Variants in ARHGAP28 observed in about 807,000 individuals in gnomAD.
ARHGAP28 encodes rho GTPase-activating protein 28.
A neutral mutation model predicts 90.7 loss-of-function variants in ARHGAP28; 56 were observed. The ratio of observed to expected loss-of-function variants is 0.62; its 90% CI spans 0.50 to 0.77. The LOEUF (loss-of-function observed/expected upper bound fraction) is 0.77, where lower values mean the gene tolerates loss of function less well. Among genes scored for constraint, ARHGAP28 ranks in the 30% least tolerant of loss-of-function variants. The pLI is 0.00. For synonymous variants in ARHGAP28, 308 were observed against 323.3 expected (o/e 0.95, Z 0.51); for missense variants, 869 against 900.9 (o/e 0.96, Z 0.45).
At chr18:6,889,071 G>A (rs2057244610) in intron 12 of ARHGAP28, among the ~76,000 whole-genome samples, 1 of 152,138 alleles carries the variant, frequency 6.6e-6, no homozygotes, top group Admixed American at 6.5e-5. Context: ...GTAACGCCTG[G>A]CTCACAGCAA....
In ARHGAP28 at chr18:6,730,190, A is replaced by C. The variant is rs1356634430; in HGVS notation, c.122+247A>C. The C allele has an allele frequency of 8.4e-5, 25 of 298,104 alleles. No homozygotes were observed. In the East Asian group the frequency reaches 1.2e-3, roughly 14 times the overall value. 18.5% of individuals were successfully genotyped at this position (298,104 alleles called of 1,614,324 possible). A position where few individuals can be genotyped will look rare whatever the true frequency, so the allele number is the denominator to read the frequency against. ...AGAGATTAGCAAGCAGCAGGATTGCATTCTTGATACGATTTGAGGATAAGT... is the reference window on the plus strand; with the variant it reads ...AGAGATTAGCAAGCAGCAGGATTGCCTTCTTGATACGATTTGAGGATAAGT... On this transcript the variant is annotated intron_variant, in intron 1 of 17. Coordinates refer to ENST00000383472, the MANE Select transcript of ARHGAP28 (RefSeq NM_001366230.1).
At position 6,738,551 on chromosome 18, in the gene ARHGAP28, G is replaced by C. The variant is rs139259318; in HGVS notation, c.122+8608G>C. ...ATACAAAGGCCCATCAATTATTTTA[G>C]GTTTTTGAAGATCAGTAGAGAAATC... On this transcript the variant is annotated intron_variant, in intron 1 of 17. Transcript: ENST00000383472. Among the ~76,000 whole-genome samples, 94 of 152,148 alleles carry C rather than the reference G, an allele frequency of 6.2e-4. 3 individuals carry two copies. The East Asian group carries it at 0.018, about 29-fold the overall frequency.
At chr18:6,900,905 T>C (rs2057334903) in intron 16 of ARHGAP28, among the ~76,000 whole-genome samples, 1 of 140,340 alleles carries the variant, frequency 7.1e-6, no homozygotes, top group Non-Finnish European at 1.6e-5. Flanking sequence ...CTTTGAAATA[T>C]CCAGAGAGAA....
intron 6 of ARHGAP28, 109 bp from the exon 7 acceptor site, chr18:6,870,481 A>T: frequency 8.8e-7 from 1 of 1,142,104 alleles, no homozygotes; most frequent in Non-Finnish European, 1.3e-6. Context: ...TAAACACTGT[A>T]ACGTGCTTGT....
In ARHGAP28 at chr18:6,880,510, G is replaced by A. The variant is rs78303023; in HGVS notation, c.1291-1627G>A. Among the ~76,000 whole-genome samples, 468 of 152,192 alleles carry A rather than the reference G, an allele frequency of 3.1e-3. 1 individual carries two copies. The highest frequency in any genetic ancestry group is 0.01 in the Middle Eastern group (3 of 294). ...AGACAAATCTACCCTTGCCATTCCC[G>A]TGCTTAGAGATGTTCCAGGCTGCCT... On this transcript the variant is annotated intron_variant, in intron 10 of 17. Coordinates refer to ENST00000383472, the MANE Select transcript of ARHGAP28 (RefSeq NM_001366230.1).
chr18:6,754,259 A>G (rs936429019), intron 1 of ARHGAP28, among the ~76,000 whole-genome samples: 15 of 152,164 alleles, frequency 9.9e-5, no homozygotes, highest in African/African-American at 3.6e-4. Context: ...CCACAAATCC[A>G]ACAACTATTA....
chr18:6,909,143 G>A (rs1181526480), intron 17 of ARHGAP28, 119 bp downstream of exon 17: 1 of 621,926 alleles, frequency 1.6e-6, no homozygotes, highest in African/African-American at 1.9e-5. Context: ...AAAATCAGTA[G>A]GTTTCTGATA....
chr18:6,903,738 A>C (rs1435377032), intron 16 of ARHGAP28, among the ~76,000 whole-genome samples: 2 of 150,542 alleles, frequency 1.3e-5, no homozygotes, highest in Non-Finnish European at 3.0e-5. Context: ...GCTGAGGCAG[A>C]GAACTGCTTG....
At chr18:6,825,529 G>A (rs1354114260) in intron 2 of ARHGAP28, among the ~76,000 whole-genome samples, 1 of 152,084 alleles carries the variant, frequency 6.6e-6, no homozygotes, top group Non-Finnish European at 1.5e-5. Flanking sequence ...ACATGTGCAG[G>A]TTTCTTACAT....
rs1013093242 is a variant in ARHGAP28, at chr18:6,783,885, T to C, written c.123-40877T>C. ...TCTTTTCATGACCCTGGCCTACTGC[T>C]CCTGTTCCAGCTTTAAAGTTCTCTG... On this transcript the variant is annotated intron_variant, in intron 1 of 17. Transcript: ENST00000383472. 2.6e-5 allele frequency among the ~76,000 whole-genome samples: 4 copies of C among 152,274 alleles called. No individual in the cohort carries two copies. The East Asian group carries it at 7.7e-4, about 29-fold the overall frequency.
At chr18:6,780,385 A>G (rs1296682535) in intron 1 of ARHGAP28, among the ~76,000 whole-genome samples, 1 of 152,246 alleles carries the variant, frequency 6.6e-6, no homozygotes. Context: ...TAGGGTTTAC[A>G]TTGTGCTGGG....
chr18:6,820,532 G>A (rs950016139), intron 1 of ARHGAP28, among the ~76,000 whole-genome samples: 1 of 152,194 alleles, frequency 6.6e-6, no homozygotes, highest in Admixed American at 6.6e-5. Context: ...TTCCAAAATT[G>A]ATGAAAGACA....
chr18:6,733,942 G>A (rs1199334608), intron 1 of ARHGAP28, among the ~76,000 whole-genome samples: 1 of 152,198 alleles, frequency 6.6e-6, no homozygotes, highest in African/African-American at 2.4e-5. Flanking sequence ...AACAGTGGCA[G>A]GGAGTCCTAG....
chr18:6,889,819 A>G, intron 12 of ARHGAP28, 69 bp from the exon 13 acceptor site: 1 of 1,412,674 alleles, frequency 7.1e-7, no homozygotes. Context: ...TGGGAATAGA[A>G]TGAATGATAG....
chr18:6,826,755 T>C (rs2056667422), intron 2 of ARHGAP28, among the ~76,000 whole-genome samples: 1 of 145,938 alleles, frequency 6.9e-6, no homozygotes, highest in Non-Finnish European at 1.5e-5. Flanking sequence ...GGCCGGGTCA[T>C]AGGACAATAG....
intron 1 of ARHGAP28, among the ~76,000 whole-genome samples, chr18:6,807,895 G>T (rs2056530368): frequency 6.6e-6 from 1 of 152,130 alleles, no homozygotes; most frequent in Non-Finnish European, 1.5e-5. Flanking sequence ...CCCTGCTTCT[G>T]CCCCATGGCC....
chr18:6,774,238 A>G (rs2056265930), intron 1 of ARHGAP28: 1 of 152,196 alleles, frequency 6.6e-6, no homozygotes, highest in Non-Finnish European at 1.5e-5. Context: ...CTAAAAGGTA[A>G]GGTTCTAAGC....
intron 10 of ARHGAP28, 110 bp from the exon 11 acceptor site, chr18:6,882,027 C>T (rs1567981336): frequency 1.0e-6 from 1 of 992,472 alleles, no homozygotes; most frequent in African/African-American, 1.6e-5. Flanking sequence ...TAGACATTAC[C>T]TTACCAGTCT....
rs554929912 is a variant in ARHGAP28 at position 6,783,448 on chromosome 18, T to C, written c.123-41314T>C. On this transcript the variant is annotated intron_variant, in intron 1 of 17. Transcript: ENST00000383472. ...TCCCAAGTAGCTGGGATTACAGGCA[T>C]GTGCCACCAGGCCTGGCTAATTTTG... Among the ~76,000 whole-genome samples, 221 of 144,172 alleles carry C rather than the reference T, an allele frequency of 1.5e-3. 1 individual carries two copies. The highest frequency in any genetic ancestry group is 6.9e-3 in the Middle Eastern group (2 of 290). The allele number at this position is 144,172 out of a possible 152,430, so 94.6% of individuals were successfully genotyped here. A position where few individuals can be genotyped will look rare whatever the true frequency, so the allele number is the denominator to read the frequency against.
Sources: gnomAD v4.1 joint callset for allele counts (sites outside exome capture counted in the v4.1 genomes callset) on GRCh38, gnomAD v4.1.1 for gene constraint, MANE v1.5 for transcripts, NCBI Gene and HGNC (gene_info 2026-07-23, HGNC 2026-07-21) for gene names.